NRXN1: variants seen among roughly 807,000 people sequenced by gnomAD.
NRXN1 encodes the protein neurexin-1.
A neutral mutation model predicts 150.9 loss-of-function variants in NRXN1; 39 were observed. The ratio of observed to expected loss-of-function variants is 0.26; its 90% CI spans 0.20 to 0.34. The LOEUF (loss-of-function observed/expected upper bound fraction) is 0.34, where lower values mean the gene tolerates loss of function less well. Among genes scored for constraint, NRXN1 ranks in the 10% least tolerant of loss-of-function variants. The pLI is 1.00. For synonymous variants in NRXN1, 924 were observed against 757.0 expected (o/e 1.22, Z -3.62); for missense variants, 1,815 against 1,949.9 (o/e 0.93, Z 1.30).
intron 5 of NRXN1, among the ~76,000 whole-genome samples, chr2:50,805,858 T>C (rs180783171): frequency 6.6e-6 from 1 of 152,168 alleles, no homozygotes; most frequent in Admixed American, 6.5e-5. Flanking sequence ...TGGTTACTTT[T>C]ACAGGGTCCT....
intron 17 of NRXN1, among the ~76,000 whole-genome samples, chr2:50,411,236 C>A (rs548458788): frequency 2.0e-5 from 3 of 152,142 alleles, no homozygotes. Context: ...CCGTGTTGGC[C>A]GGGCTGGTCT....
At chr2:50,944,727 G>A (rs1039303679) in intron 2 of NRXN1, among the ~76,000 whole-genome samples, 5 of 152,084 alleles carry the variant, frequency 3.3e-5, no homozygotes, top group African/African-American at 1.2e-4. Context: ...TCAAATTCCT[G>A]TTTATGCCTG....
intron 2 of NRXN1, among the ~76,000 whole-genome samples, chr2:51,017,155 A>G (rs1201145745): frequency 6.6e-6 from 1 of 152,040 alleles, no homozygotes; most frequent in Non-Finnish European, 1.5e-5. Flanking sequence ...CCTAATATAG[A>G]TGACGGATTG....
At chr2:50,498,705 TG>T (rs1573264106) in intron 13 of NRXN1, among the ~76,000 whole-genome samples, 1 of 152,238 alleles carries the variant, frequency 6.6e-6, no homozygotes, top group East Asian at 1.9e-4. Flanking sequence ...GATGTGAACT[TG>T]TTTTCTAAAT....
intron 5 of NRXN1, among the ~76,000 whole-genome samples, chr2:50,732,202 A>T (rs1279761275): frequency 2.0e-5 from 3 of 152,166 alleles, no homozygotes; most frequent in African/African-American, 7.2e-5. Context: ...GCCTATACAT[A>T]TGAAAAAAAT....
chr2:50,522,736 T>C (rs1365812606), intron 12 of NRXN1, among the ~76,000 whole-genome samples: 5 of 126,958 alleles, frequency 3.9e-5, no homozygotes, highest in East Asian at 2.2e-4. Flanking sequence ...TTTTTTTTTT[T>C]TTTTTTTTTT....
At chr2:50,339,371 A>G (rs553625345) in intron 17 of NRXN1, among the ~76,000 whole-genome samples, 1 of 152,332 alleles carries the variant, frequency 6.6e-6, no homozygotes, top group East Asian at 1.9e-4. Flanking sequence ...TATGCAATAC[A>G]TTTAAACTGG....
chr2:50,540,787 A>T (rs1283886678), intron 9 of NRXN1, among the ~76,000 whole-genome samples: 2 of 151,972 alleles, frequency 1.3e-5, no homozygotes, highest in African/African-American at 2.4e-5. Flanking sequence ...GCAGCCTCCC[A>T]AGTAGCTGGG....
chr2:50,727,874 C>T (rs180959896), intron 5 of NRXN1, among the ~76,000 whole-genome samples: 60 of 152,218 alleles, frequency 3.9e-4, no homozygotes, highest in Non-Finnish European at 2.4e-4. Context: ...CTGAAATCCT[C>T]ATCCTGTTAA....
Position 50,538,617 on chromosome 2 carries a change from C to T in NRXN1, c.1779G>A (p.Thr593=), listed in dbSNP as rs200817371. The change falls in exon 10 of 23, where the codon ACG becomes ACA. Residue 593 remains threonine (T), a synonymous_variant. Coordinates refer to ENST00000401669, the MANE Select transcript of NRXN1 (RefSeq NM_001330078.2). ...DGRSGTISVN[T]LRTPYTAPGE... ...CAGGAGCAGTGTAGGGAGTACGCAA[C>T]GTGTTGACAGAAATGGTACCTATTT... 4.4e-5 allele frequency: 65 copies of T among 1,493,728 alleles called. No individual in the cohort carries two copies. The highest frequency in any genetic ancestry group is 6.8e-5 in the Admixed American group (3 of 44,058). 92.5% of individuals were successfully genotyped at this position (1,493,728 alleles called of 1,614,324 possible).
chr2:50,282,212 G>C (rs1187025468), intron 17 of NRXN1, among the ~76,000 whole-genome samples: 1 of 152,144 alleles, frequency 6.6e-6, no homozygotes, highest in Non-Finnish European at 1.5e-5. Context: ...TATATGCCAT[G>C]CTAAGGATTT....
intron 8 of NRXN1, 62 bp from the exon 9 acceptor site, chr2:50,553,087 A>G: frequency 8.5e-7 from 1 of 1,180,750 alleles, no homozygotes; most frequent in Non-Finnish European, 1.2e-6. Flanking sequence ...AAACTTGTGA[A>G]CAGCTCATGT....
chr2:50,287,574 A>C lies in NRXN1; in HGVS notation c.3365-50604T>G, dbSNP rs534638279. Among the ~76,000 whole-genome samples, 7 of 152,150 alleles carry C rather than the reference A, an allele frequency of 4.6e-5. No individual in the cohort carries two copies. The South Asian group carries it at 1.4e-3, about 32-fold the overall frequency. On this transcript the variant is annotated intron_variant, in intron 17 of 22. Coordinates refer to ENST00000401669, the MANE Select transcript of NRXN1 (RefSeq NM_001330078.2). ...AAGTGCAACAGAGGGAAGATGACTA[A>C]AAATAGCACGTCTCTCAAGATGTTT...
chr2:50,639,732 C>A (rs144105128), intron 5 of NRXN1, among the ~76,000 whole-genome samples: 1 of 152,108 alleles, frequency 6.6e-6, no homozygotes, highest in East Asian at 1.9e-4. Flanking sequence ...TATAATCAAA[C>A]AATATTATCA....
intron 21 of NRXN1, among the ~76,000 whole-genome samples, chr2:49,960,909 ACTATAATTGGGTAAGTTTTAAAG>A (rs1334822392): frequency 2.0e-5 from 3 of 152,198 alleles, no homozygotes; most frequent in Non-Finnish European, 4.4e-5. Context: ...TCCATAGCAT[ACTATAATTGGGTAAGTTTTAAAG>A]CTATCTATTG....
At chr2:50,997,020 A>G (rs574128603) in intron 2 of NRXN1, among the ~76,000 whole-genome samples, 2 of 152,062 alleles carry the variant, frequency 1.3e-5, no homozygotes, top group South Asian at 2.1e-4. Context: ...TTTTTTTTCA[A>G]TGGATCCTGG....
rs989794487 is a variant in NRXN1, at chr2:50,537,289, G to A, written c.2143+964C>T. Among the ~76,000 whole-genome samples, 11 of 152,172 alleles carry A rather than the reference G, an allele frequency of 7.2e-5. No individual in the cohort carries two copies. The East Asian group carries it at 1.7e-3, about 24-fold the overall frequency. On this transcript the variant is annotated intron_variant, in intron 10 of 22. Transcript: ENST00000401669. ...TAAAGCAATGTTATTTGTAGCAGGT[G>A]AGGACAATGGAACAACTCATCAATA...
intron 5 of NRXN1, among the ~76,000 whole-genome samples, chr2:50,805,275 G>T (rs533341359): frequency 6.6e-6 from 1 of 152,002 alleles, no homozygotes; most frequent in African/African-American, 2.4e-5. Flanking sequence ...AACATATTAC[G>T]TGAGGACTTT....
chr2:50,217,148 A>G (rs1036450566), intron 18 of NRXN1, among the ~76,000 whole-genome samples: 1 of 152,122 alleles, frequency 6.6e-6, no homozygotes, highest in African/African-American at 2.4e-5. Context: ...TAGCAAAAAC[A>G]GCACCTCCTA....
Sources: allele counts gnomAD v4.1 joint callset (sites outside exome capture counted in the v4.1 genomes callset), GRCh38; gene constraint gnomAD v4.1.1; transcripts MANE v1.5; gene names NCBI Gene and HGNC (gene_info 2026-07-23, HGNC 2026-07-21).